Variants in MGAM2 observed in about 807,000 individuals in gnomAD.
MGAM2 encodes the protein probable maltase-glucoamylase 2.
MGAM2 carries 98 observed loss-of-function variants against 96.1 expected under a neutral mutation model. The ratio of observed to expected loss-of-function variants is 1.02; its 90% CI spans 0.87 to 1.21. The LOEUF is 1.21. Ranked by LOEUF, MGAM2 falls within the 50% of genes most tolerant of loss-of-function variation. The probability of loss-of-function intolerance (pLI) is 0.00; values close to 1 mark genes in which losing one functional copy is unlikely to be tolerated. For synonymous variants in MGAM2, 749 were observed against 414.8 expected (o/e 1.81, Z -9.79); for missense variants, 2,055 against 1,182.4 (o/e 1.74, Z -10.82).
chr7:142,151,725 T>C (rs1795584911), intron 15 of MGAM2, among the ~76,000 whole-genome samples: 1 of 152,224 alleles, frequency 6.6e-6, no homozygotes, highest in Admixed American at 6.5e-5. Flanking sequence ...ATGGGTTGGT[T>C]AATATATTCT....
chr7:142,171,556 GCT>G (rs1235644774), intron 28 of MGAM2, 116 bp downstream of exon 28: 2 of 508,688 alleles, frequency 3.9e-6, no homozygotes, highest in Non-Finnish European at 7.1e-6. Flanking sequence ...GATAAATTCC[GCT>G]CTCAGTTGTA....
At chr7:142,182,765 C>T (rs1419355065) in intron 32 of MGAM2, among the ~76,000 whole-genome samples, 1 of 152,172 alleles carries the variant, frequency 6.6e-6, no homozygotes, top group Non-Finnish European at 1.5e-5. Flanking sequence ...CAGCTTTCTC[C>T]CTCTTACACC....
At chr7:142,135,180 AG>A (rs1358317938) in intron 7 of MGAM2, among the ~76,000 whole-genome samples, 1 of 152,232 alleles carries the variant, frequency 6.6e-6, no homozygotes, top group Non-Finnish European at 1.5e-5. Context: ...GAACAAAGCA[AG>A]TAGCACATTA....
intron 1 of MGAM2, among the ~76,000 whole-genome samples, chr7:142,113,543 T>C (rs1817248532): frequency 6.6e-6 from 1 of 152,076 alleles, no homozygotes; most frequent in South Asian, 2.1e-4. Flanking sequence ...TTTTATAATG[T>C]GATTCTATTC....
At chr7:142,117,073 C>T (rs1355179527) in intron 2 of MGAM2, 94 bp downstream of exon 2, 1 of 685,920 alleles carries the variant, frequency 1.5e-6, no homozygotes, top group Non-Finnish European at 2.7e-6. Context: ...TTCAATATGC[C>T]ACTACATTGC....
At chr7:142,162,657 C>T (rs1795923298) in intron 23 of MGAM2, among the ~76,000 whole-genome samples, 1 of 150,950 alleles carries the variant, frequency 6.6e-6, no homozygotes, top group Admixed American at 6.6e-5. Flanking sequence ...AAAAATGGAT[C>T]TACTTTAAGA....
intron 19 of MGAM2, 135 bp downstream of exon 19, chr7:142,158,467 T>C: frequency 1.7e-6 from 1 of 574,648 alleles, no homozygotes; most frequent in Non-Finnish European, 3.1e-6. Flanking sequence ...CATGAAAGTT[T>C]AGAAATTTTT....
chr7:142,165,367 T>C (rs1179765528), intron 24 of MGAM2, among the ~76,000 whole-genome samples: 1 of 152,194 alleles, frequency 6.6e-6, no homozygotes, highest in Non-Finnish European at 1.5e-5. Context: ...AGGGAGAATC[T>C]CTTTGAGAAA....
Position 142,220,925 on chromosome 7 carries a change from T to G in MGAM2, c.6414T>G (p.Ile2138Met). 1.4e-6 allele frequency: 1 copy of G among 701,770 alleles called. No individual in the cohort carries two copies. Among genetic ancestry groups the G allele is most frequent in the Non-Finnish European group, 2.6e-6 (1 of 384,670 alleles). The allele number at this position is 701,770 out of a possible 1,614,324, so 43.5% of individuals were successfully genotyped here. A position where few individuals can be genotyped will look rare whatever the true frequency, so the allele number is the denominator to read the frequency against. ...CTGATGTTAGCACTAGTACTACTAT[T>G]AATAATATAAGTACTCCTGTTCAAA... ...GTTDVSTSTT[I>M]NNISTPVQTN... Residue 2138 changes from isoleucine to methionine, a missense_variant, in exon 48 of 48, where the codon ATT becomes ATG. Ile to Met is a conservative substitution (Grantham distance 10, BLOSUM62 1). Coordinates refer to ENST00000477922, the MANE Select transcript of MGAM2 (RefSeq NM_001293626.2).
rs1013124747 is a variant in MGAM2 at position 142,195,345 on chromosome 7, CTTTTTTTTTT to C, written c.4347-790_4347-781del. ...TTCTGTGCCTGGCCTCCTTTTTACT[CTTTTTTTTTT>C]TTTTTTTTTTTTTTTTTTGAGACAG... On this transcript the variant is annotated intron_variant, in intron 37 of 47. Coordinates refer to ENST00000477922, the MANE Select transcript of MGAM2 (RefSeq NM_001293626.2). Among the ~76,000 whole-genome samples the C allele has an allele frequency of 5.1e-4, 36 of 70,042 alleles. 1 individual carries two copies. The highest frequency in any genetic ancestry group is 2.0e-3 in the African/African-American group (33 of 16,446). The allele number at this position is 70,042 out of a possible 152,430, so 46.0% of individuals were successfully genotyped here.
At chr7:142,119,594 T>G (rs1049065487) in intron 2 of MGAM2, among the ~76,000 whole-genome samples, 13 of 152,200 alleles carry the variant, frequency 8.5e-5, no homozygotes, top group African/African-American at 3.1e-4. Context: ...CAGAGAAACT[T>G]ACGCGAATGC....
chr7:142,219,358 C>T (rs182383105), intron 47 of MGAM2, among the ~76,000 whole-genome samples: 1 of 152,268 alleles, frequency 6.6e-6, no homozygotes, highest in African/African-American at 2.4e-5. Context: ...GGGTATTTAC[C>T]TTAAAGCATT....
At chr7:142,207,144 A>G (rs1468123678) in intron 45 of MGAM2, among the ~76,000 whole-genome samples, 1 of 152,212 alleles carries the variant, frequency 6.6e-6, no homozygotes, top group African/African-American at 2.4e-5. Flanking sequence ...AGTGAAACTG[A>G]TTTTTCAGAA....
intron 3 of MGAM2, among the ~76,000 whole-genome samples, chr7:142,127,523 T>G (rs1335324804): frequency 6.6e-6 from 1 of 152,110 alleles, no homozygotes; most frequent in Non-Finnish European, 1.5e-5. Flanking sequence ...TTAATGGAAG[T>G]GATATGGTTT....
intron 15 of MGAM2, among the ~76,000 whole-genome samples, chr7:142,149,115 G>A (rs886364510): frequency 6.6e-6 from 1 of 152,004 alleles, no homozygotes; most frequent in African/African-American, 2.4e-5. Flanking sequence ...TGTAATCCCA[G>A]CTATTTTGGA....
At chr7:142,118,575 A>G (rs190201543) in intron 2 of MGAM2, among the ~76,000 whole-genome samples, 9 of 152,104 alleles carry the variant, frequency 5.9e-5, no homozygotes, top group African/African-American at 2.2e-4. Flanking sequence ...TGCTGTTGTC[A>G]TGGGGAGAAG....
Position 142,154,141 on chromosome 7 carries a change from A to G in MGAM2, c.1758A>G (p.Arg586=). ...ATGCGGCCACATGGGATGACCTCCG[A>G]TGGTCTATCCCCACTATCCTTGAGT... ...GDNAATWDDL[R]WSIPTILEFN... Residue 586 remains arginine (R), a synonymous_variant, in exon 16 of 48, where the codon CGA becomes CGG. Transcript: ENST00000477922. 2 of 683,354 alleles carry G rather than the reference A, an allele frequency of 2.9e-6. No homozygotes were observed. Among genetic ancestry groups the G allele is most frequent in the Non-Finnish European group, 2.7e-6 (1 of 370,988 alleles). 42.3% of individuals were successfully genotyped at this position (683,354 alleles called of 1,614,324 possible). A position where few individuals can be genotyped will look rare whatever the true frequency, so the allele number is the denominator to read the frequency against.
intron 42 of MGAM2, 99 bp from the exon 43 acceptor site, chr7:142,198,040 C>T (rs1191751655): frequency 4.7e-6 from 3 of 639,494 alleles, no homozygotes; most frequent in Non-Finnish European, 5.7e-6. Flanking sequence ...ATCACTAATA[C>T]AATTTTCATT....
chr7:142,123,709 A>G (rs73158431), intron 3 of MGAM2, among the ~76,000 whole-genome samples: 5,557 of 152,068 alleles, frequency 0.037, 120 homozygotes, highest in Middle Eastern at 0.099. Flanking sequence ...ATCTTAGTCT[A>G]TGGTTTGTCT....
Sources: gnomAD v4.1 joint callset for allele counts (sites outside exome capture counted in the v4.1 genomes callset) on GRCh38, gnomAD v4.1.1 for gene constraint, MANE v1.5 for transcripts, NCBI Gene and HGNC (gene_info 2026-07-23, HGNC 2026-07-21) for gene names.